The following SEL1L2 variants were observed in gnomAD, a reference collection of about 807,000 sequenced individuals.
The protein encoded by SEL1L2 is SEL1L2 adaptor subunit of SYVN1 ubiquitin ligase.
A neutral mutation model predicts 98.8 loss-of-function variants in SEL1L2; 89 were observed. That is an observed-to-expected ratio of 0.90 (90% CI 0.76 to 1.07). The LOEUF is 1.07. Among genes scored for constraint, SEL1L2 ranks in the 50% least tolerant of loss-of-function variants. The pLI is 0.00. For missense variants in SEL1L2, 788 were observed against 812.0 expected, an observed-to-expected ratio of 0.97 and a Z score of 0.36; for synonymous variants, 262 against 278.5, an observed-to-expected ratio of 0.94 and a Z score of 0.59.
upstream of SEL1L2, among the ~76,000 whole-genome samples, chr20:13,992,558 C>T (rs184489665): frequency 2.0e-5 from 3 of 152,126 alleles, no homozygotes; most frequent in East Asian, 3.9e-4. Flanking sequence ...GCTCTGTGGG[C>T]TGGAATCAGA....
At chr20:13,927,681 T>G (rs1453769600) in intron 3 of SEL1L2, among the ~76,000 whole-genome samples, 1 of 152,218 alleles carries the variant, frequency 6.6e-6, no homozygotes, top group African/African-American at 2.4e-5. Flanking sequence ...GGAATAGCAT[T>G]TATAGAACAC....
At chr20:13,876,658 T>G (rs1237264733) in intron 11 of SEL1L2, among the ~76,000 whole-genome samples, 2 of 152,064 alleles carry the variant, frequency 1.3e-5, no homozygotes, top group African/African-American at 4.8e-5. Flanking sequence ...CTGGAGCTGA[T>G]TCACACTCCA....
chr20:13,895,568 C>T (rs1252380768), intron 5 of SEL1L2, among the ~76,000 whole-genome samples: 1 of 151,398 alleles, frequency 6.6e-6, no homozygotes, highest in African/African-American at 2.4e-5. Context: ...GAGAAAAACA[C>T]TCAACAAACA....
chr20:13,967,837 CAGCA>C (rs1237761661), intron 1 of SEL1L2, among the ~76,000 whole-genome samples: 1 of 152,182 alleles, frequency 6.6e-6, no homozygotes, highest in Non-Finnish European at 1.5e-5. Context: ...AACATCCATA[CAGCA>C]AGAATTGCAT....
intron 3 of SEL1L2, among the ~76,000 whole-genome samples, chr20:13,926,305 A>G (rs1047239232): frequency 6.9e-6 from 1 of 144,978 alleles, no homozygotes. Flanking sequence ...ACAGAGCGAG[A>G]CTCCGTTTCA....
At chr20:13,910,493 G>GACTC (rs890369011) in intron 5 of SEL1L2, among the ~76,000 whole-genome samples, 5 of 152,116 alleles carry the variant, frequency 3.3e-5, no homozygotes, top group Non-Finnish European at 7.4e-5. Context: ...AGAATACATG[G>GACTC]ACTCACATAT....
chr20:13,978,780 G>C (rs2051668866), intron 1 of SEL1L2, among the ~76,000 whole-genome samples: 1 of 152,162 alleles, frequency 6.6e-6, no homozygotes, highest in African/African-American at 2.4e-5. Flanking sequence ...GAAATCACCA[G>C]GTGCGGTGGC....
chr20:13,924,672 A>G (rs1224544565), intron 3 of SEL1L2, among the ~76,000 whole-genome samples: 5 of 151,614 alleles, frequency 3.3e-5, no homozygotes, highest in Admixed American at 3.3e-4. Flanking sequence ...TGATCCTCCC[A>G]CCTTGGCCTC....
chr20:13,874,146 G>C (rs1243580277), intron 12 of SEL1L2, among the ~76,000 whole-genome samples: 2 of 152,212 alleles, frequency 1.3e-5, no homozygotes, highest in Non-Finnish European at 2.9e-5. Context: ...GGGCGCAAGA[G>C]AGAACTGGAG....
intron 2 of SEL1L2, among the ~76,000 whole-genome samples, chr20:13,953,420 C>T (rs1171801249): frequency 1.3e-5 from 2 of 152,172 alleles, no homozygotes; most frequent in East Asian, 3.8e-4. Context: ...TCCCCCAGAA[C>T]AGCGCCCCCT....
At position 13,905,309 on chromosome 20, in the gene SEL1L2, C is replaced by CT. The variant is rs34326096; in HGVS notation, c.549+8472dup. 6.5e-3 allele frequency among the ~76,000 whole-genome samples: 864 copies of CT among 132,934 alleles called. 5 individuals are homozygous for CT. Among genetic ancestry groups the CT allele is most frequent in the East Asian group, 0.014 (66 of 4,694 alleles). The allele number at this position is 132,934 out of a possible 152,430, so 87.2% of individuals were successfully genotyped here. ...GATTATAGTAAGCACTGTCCTATAA[C>CT]TTTTTTTTTTTTTTTTTTTTTGAGA... On this transcript the variant is annotated intron_variant, in intron 5 of 19. Coordinates refer to ENST00000284951, the MANE Select transcript of SEL1L2 (RefSeq NM_025229.2).
intron 2 of SEL1L2, among the ~76,000 whole-genome samples, chr20:13,933,401 A>G (rs2049247190): frequency 6.6e-6 from 1 of 152,096 alleles, no homozygotes; most frequent in Non-Finnish European, 1.5e-5. Context: ...CAAATCCTTT[A>G]GCTATCACCT....
chr20:13,927,113 G>T (rs1407812725), intron 3 of SEL1L2, among the ~76,000 whole-genome samples: 1 of 152,182 alleles, frequency 6.6e-6, no homozygotes, highest in Non-Finnish European at 1.5e-5. Context: ...GAGGAAAAGT[G>T]AACATGCCAT....
chr20:13,945,516 G>GT (rs1312630684), intron 2 of SEL1L2, among the ~76,000 whole-genome samples: 1 of 150,776 alleles, frequency 6.6e-6, no homozygotes, highest in Non-Finnish European at 1.5e-5. Context: ...ATTTCTAAAA[G>GT]TTTTTTAAGA....
chr20:13,850,066 T>C (rs1987969050), intron 19 of SEL1L2, 125 bp downstream of exon 19: 2 of 1,081,410 alleles, frequency 1.8e-6, no homozygotes, highest in Admixed American at 2.3e-5. Context: ...TGTAAGACTC[T>C]GAATTTTACT....
intron 14 of SEL1L2, among the ~76,000 whole-genome samples, 183 bp from the exon 15 acceptor site, chr20:13,867,033 G>A (rs1284074167): frequency 6.6e-6 from 1 of 152,058 alleles, no homozygotes; most frequent in Non-Finnish European, 1.5e-5. Context: ...TTGGTTCTAA[G>A]TAAGAATATG....
intron 10 of SEL1L2, among the ~76,000 whole-genome samples, chr20:13,877,956 G>A (rs1028648625): frequency 6.6e-6 from 1 of 152,196 alleles, no homozygotes; most frequent in African/African-American, 2.4e-5. Context: ...TTGACACTGT[G>A]TACTTAATGA....
In SEL1L2 at chr20:13,870,192, G is replaced by T. The variant is rs752261823; in HGVS notation, c.1116C>A (p.Ile372=). ...FSMAASKGNA[I]GLHGLGLLYF... ...AAAGAAGACCAAGCCCATGAAGGCC[G>T]ATTGCATTGCCCTAGAAGAGTTTTA... Residue 372 remains isoleucine, a synonymous_variant, in exon 13 of 20, where the codon ATC becomes ATA. Transcript: ENST00000284951. 3.7e-6 allele frequency: 6 copies of T among 1,610,628 alleles called. No individual in the cohort carries two copies. In the East Asian group the frequency reaches 1.1e-4, roughly 30 times the overall value.
chr20:13,973,224 T>C (rs1398569776), intron 1 of SEL1L2: 1 of 152,230 alleles, frequency 6.6e-6, no homozygotes, highest in Non-Finnish European at 1.5e-5. Flanking sequence ...TTTCTTTCAT[T>C]AAAACCTGTT....
Sources: gnomAD v4.1 joint callset for allele counts (sites outside exome capture counted in the v4.1 genomes callset) on GRCh38, gnomAD v4.1.1 for gene constraint, MANE v1.5 for transcripts, NCBI Gene and HGNC (gene_info 2026-07-23, HGNC 2026-07-21) for gene names.